GMDS: variants seen among roughly 807,000 people sequenced by gnomAD.
GMDS encodes the protein GDP-mannose 4,6 dehydratase.
A neutral mutation model predicts 49.9 loss-of-function variants in GMDS; 20 were observed. That is an observed-to-expected ratio of 0.40 (90% CI 0.28 to 0.58). The LOEUF is 0.58. Among genes scored for constraint, GMDS ranks in the 20% least tolerant of loss-of-function variants. GMDS has a pLI of 0.42. For synonymous variants in GMDS, 177 were observed against 178.6 expected (o/e 0.99, Z 0.07); for missense variants, 362 against 481.4 (o/e 0.75, Z 2.32).
At chr6:1,643,508 G>A (rs1377588946) in intron 9 of GMDS, among the ~76,000 whole-genome samples, 1 of 152,160 alleles carries the variant, frequency 6.6e-6, no homozygotes, top group African/African-American at 2.4e-5. Context: ...TTTTAGTAGA[G>A]TAGGATGTGG....
At chr6:1,905,363 G>A (rs1188539305) in intron 7 of GMDS, among the ~76,000 whole-genome samples, 1 of 150,720 alleles carries the variant, frequency 6.6e-6, no homozygotes, top group Non-Finnish European at 1.5e-5. Flanking sequence ...ATCTGCATGT[G>A]GGGCCAGCAC....
At chr6:2,230,484 T>G (rs1266712667) in intron 1 of GMDS, among the ~76,000 whole-genome samples, 2 of 152,196 alleles carry the variant, frequency 1.3e-5, no homozygotes. Context: ...ATTATTTCCC[T>G]GGCCTAGATA....
chr6:2,013,621 A>C (rs1227803053), intron 4 of GMDS, among the ~76,000 whole-genome samples: 1 of 152,126 alleles, frequency 6.6e-6, no homozygotes, highest in Non-Finnish European at 1.5e-5. Flanking sequence ...GAACCAAAAG[A>C]AAATGATAGA....
intron 7 of GMDS, among the ~76,000 whole-genome samples, chr6:1,795,145 A>T (rs1396322121): frequency 6.6e-6 from 1 of 152,228 alleles, no homozygotes; most frequent in Non-Finnish European, 1.5e-5. Flanking sequence ...GGTTACAGTG[A>T]GCTGAGACAG....
intron 9 of GMDS, among the ~76,000 whole-genome samples, chr6:1,699,331 T>A (rs137949027): frequency 1.3e-5 from 2 of 151,018 alleles, no homozygotes; most frequent in Non-Finnish European, 3.0e-5. Flanking sequence ...GGAGGAGGGA[T>A]GTACAGGAGA....
chr6:1,933,701 A>G (rs956453569), intron 6 of GMDS, among the ~76,000 whole-genome samples: 1 of 152,224 alleles, frequency 6.6e-6, no homozygotes, highest in African/African-American at 2.4e-5. Context: ...TCCTTTGTCC[A>G]TTTTTAAATC....
intron 1 of GMDS, among the ~76,000 whole-genome samples, chr6:2,178,020 C>G (rs958210237): frequency 6.6e-6 from 1 of 152,172 alleles, no homozygotes; most frequent in Non-Finnish European, 1.5e-5. Context: ...TTATCCTAAG[C>G]AAACTAAAGC....
intron 7 of GMDS, among the ~76,000 whole-genome samples, chr6:1,783,195 G>A (rs560856774): frequency 9.9e-5 from 15 of 152,046 alleles, no homozygotes; most frequent in Non-Finnish European, 1.9e-4. Context: ...TTAAGAAACT[G>A]GTATAACTAG....
intron 9 of GMDS, chr6:1,717,452 G>A (rs1485975773): frequency 6.6e-6 from 1 of 152,144 alleles, no homozygotes; most frequent in Non-Finnish European, 1.5e-5. Context: ...GCAGTTCTAG[G>A]AGGAGCTGTA....
At chr6:2,012,606 C>A (rs1767626375) in intron 4 of GMDS, among the ~76,000 whole-genome samples, 1 of 152,140 alleles carries the variant, frequency 6.6e-6, no homozygotes, top group African/African-American at 2.4e-5. Context: ...ACAGGGCAAA[C>A]AACCACATTA....
intron 7 of GMDS, among the ~76,000 whole-genome samples, chr6:1,751,819 C>T (rs1262236169): frequency 6.6e-6 from 1 of 152,148 alleles, no homozygotes; most frequent in African/African-American, 2.4e-5. Flanking sequence ...GGAAAACTAA[C>T]AGAAAGAAAT....
chr6:2,024,464 A>T (rs1768462438), intron 4 of GMDS, among the ~76,000 whole-genome samples: 5 of 152,178 alleles, frequency 3.3e-5, no homozygotes, highest in Non-Finnish European at 7.4e-5. Flanking sequence ...AAAGGCAAAC[A>T]AGAGAGAATG....
chr6:1,913,406 A>G (rs564902874), intron 7 of GMDS, among the ~76,000 whole-genome samples: 4,881 of 151,140 alleles, frequency 0.032, 95 homozygotes, highest in Middle Eastern at 0.094. Context: ...AAAAAAAAAA[A>G]AAAGAAAGTT....
chr6:1,848,266 C>T (rs1347253852), intron 7 of GMDS, among the ~76,000 whole-genome samples: 3 of 152,134 alleles, frequency 2.0e-5, no homozygotes, highest in African/African-American at 2.4e-5. Flanking sequence ...AGCCTCTGCT[C>T]ATGGCCCTGT....
rs115839494 is a variant in GMDS at position 1,871,206 on chromosome 6, C to T, written c.771+58897G>A. 5.9e-3 allele frequency among the ~76,000 whole-genome samples: 900 copies of T among 152,236 alleles called. 9 individuals carry two copies. Among genetic ancestry groups the T allele is most frequent in the African/African-American group, 0.02 (846 of 41,540 alleles). On this transcript the variant is annotated intron_variant, in intron 7 of 10. Coordinates refer to ENST00000380815, the MANE Select transcript of GMDS (RefSeq NM_001500.4). ...AAGCTGGGGGACCCTCCAGCTGGGA[C>T]CTGTTTGTGACTTCTCGGCCTCACT...
chr6:1,971,039 G>C (rs1554139903), intron 4 of GMDS, among the ~76,000 whole-genome samples: 1 of 151,944 alleles, frequency 6.6e-6, no homozygotes, highest in Non-Finnish European at 1.5e-5. Flanking sequence ...GTGAGGATGA[G>C]ACATTCTAAA....
intron 1 of GMDS, among the ~76,000 whole-genome samples, chr6:2,164,704 T>A (rs1237937693): frequency 6.6e-6 from 1 of 152,232 alleles, no homozygotes. Flanking sequence ...TCAATTTGCA[T>A]CATAATACAG....
Position 1,722,689 on chromosome 6 carries a change from C to T in GMDS, c.987+3727G>A, listed in dbSNP as rs972894656. Among the ~76,000 whole-genome samples the T allele has an allele frequency of 1.1e-4, 17 of 152,172 alleles. No homozygotes were observed. The East Asian group carries it at 3.3e-3, about 29-fold the overall frequency. ...AAGTTAAGGAACTTGCCTATGGTCG[C>T]ACAGCTAGTAATCAATAGGTTTCAA... is the stretch of plus-strand genomic sequence containing the variant. On this transcript the variant is annotated intron_variant, in intron 9 of 10. Transcript: ENST00000380815.
intron 4 of GMDS, among the ~76,000 whole-genome samples, chr6:2,076,294 TG>T (rs1562032476): frequency 6.6e-6 from 1 of 152,208 alleles, no homozygotes. Flanking sequence ...TCCATGCTCA[TG>T]GGTAGGAAGA....
Sources: gnomAD v4.1 joint callset for allele counts (sites outside exome capture counted in the v4.1 genomes callset) on GRCh38, gnomAD v4.1.1 for gene constraint, MANE v1.5 for transcripts, NCBI Gene and HGNC (gene_info 2026-07-23, HGNC 2026-07-21) for gene names.